CSMD1: variants seen among roughly 807,000 people sequenced by gnomAD.
CSMD1 encodes the protein CUB and Sushi multiple domains 1.
Under a neutral mutation model 417.5 loss-of-function variants are expected in CSMD1, and 213 were observed. That is an observed-to-expected ratio of 0.51 (90% CI 0.46 to 0.57). The LOEUF is 0.57. CSMD1 is among the 20% of genes least tolerant of loss of function. The probability of loss-of-function intolerance (pLI) is 0.00; values close to 1 mark genes in which losing one functional copy is unlikely to be tolerated. For missense variants in CSMD1, 6,923 were observed against 4,529.7 expected, an observed-to-expected ratio of 1.53 and a Z score of -15.17; for synonymous variants, 2,862 against 1,736.8, an observed-to-expected ratio of 1.65 and a Z score of -16.11.
At chr8:3,266,842 G>A (rs1249091028) in intron 26 of CSMD1, among the ~76,000 whole-genome samples, 2 of 150,874 alleles carry the variant, frequency 1.3e-5, no homozygotes, top group Admixed American at 6.6e-5. Context: ...TGGTATTTAT[G>A]ACAGTGACAA....
At chr8:3,549,921 T>C (rs767626572) in intron 10 of CSMD1, among the ~76,000 whole-genome samples, 8 of 152,232 alleles carry the variant, frequency 5.3e-5, no homozygotes, top group South Asian at 2.1e-4. Flanking sequence ...CAAGCAGATT[T>C]ATTGAAAGAA....
At chr8:4,962,068 TTTTC>T (rs1809527832) in intron 1 of CSMD1, among the ~76,000 whole-genome samples, 1 of 151,730 alleles carries the variant, frequency 6.6e-6, no homozygotes, top group Non-Finnish European at 1.5e-5. Context: ...ATTATATCTA[TTTTC>T]TTTAAGTTTT....
intron 3 of CSMD1, among the ~76,000 whole-genome samples, chr8:4,208,386 T>A (rs953369807): frequency 6.6e-6 from 1 of 152,204 alleles, no homozygotes; most frequent in African/African-American, 2.4e-5. Flanking sequence ...AGGAATTGAG[T>A]TACTGGCCTA....
chr8:4,629,772 A>C (rs933470231), intron 2 of CSMD1, among the ~76,000 whole-genome samples: 1 of 152,214 alleles, frequency 6.6e-6, no homozygotes, highest in South Asian at 2.1e-4. Context: ...AACAGTGTCA[A>C]CATTCAGATT....
chr8:3,649,998 G>A (rs1028062243), intron 7 of CSMD1, among the ~76,000 whole-genome samples: 1 of 152,100 alleles, frequency 6.6e-6, no homozygotes, highest in African/African-American at 2.4e-5. Context: ...GATAAATGAG[G>A]CTGGGCCTGG....
intron 12 of CSMD1, among the ~76,000 whole-genome samples, chr8:3,456,699 C>T (rs968876475): frequency 1.3e-5 from 2 of 152,128 alleles, no homozygotes; most frequent in African/African-American, 4.8e-5. Flanking sequence ...CAGGAATGAG[C>T]TTCCCATAAA....
At chr8:3,390,379 A>AAAG (rs398006945) in intron 17 of CSMD1, among the ~76,000 whole-genome samples, 1 of 140,164 alleles carries the variant, frequency 7.1e-6, no homozygotes, top group South Asian at 2.3e-4. Context: ...AAAAAAAAAA[A>AAAG]GGAATTTTGT....
At chr8:4,787,306 T>A in intron 1 of CSMD1, 1 of 702,878 alleles carries the variant, frequency 1.4e-6, no homozygotes, top group East Asian at 2.7e-5. Context: ...ACCGGCGCGG[T>A]CGCAGCCCTC....
At chr8:4,673,634 T>A (rs1448268973) in intron 1 of CSMD1, among the ~76,000 whole-genome samples, 1 of 152,134 alleles carries the variant, frequency 6.6e-6, no homozygotes, top group African/African-American at 2.4e-5. Context: ...GAATCATGCT[T>A]TGTGGTTCTA....
chr8:4,395,933 G>T (rs573366642), intron 3 of CSMD1, among the ~76,000 whole-genome samples: 1 of 152,110 alleles, frequency 6.6e-6, no homozygotes. Flanking sequence ...TTTTGTAACC[G>T]TTGAAATATT....
intron 9 of CSMD1, among the ~76,000 whole-genome samples, chr8:3,582,617 G>A (rs539124041): frequency 3.8e-4 from 58 of 152,288 alleles, no homozygotes; most frequent in South Asian, 2.5e-3. Flanking sequence ...TGGCTACTGA[G>A]CACCTGAAAT....
At chr8:3,684,273 TTA>T (rs946500010) in intron 7 of CSMD1, among the ~76,000 whole-genome samples, 5 of 144,290 alleles carry the variant, frequency 3.5e-5, no homozygotes, top group Admixed American at 2.2e-4. Flanking sequence ...TAGCTATATG[TTA>T]TATATTATAT....
chr8:3,426,331 G>A lies in CSMD1; in HGVS notation c.1562-16726C>T, dbSNP rs549348887. ...TACCAGAGGTTATTTTGTTCCGTAG[G>A]TTACGTATCAGACAGTGATCATGAG... On this transcript the variant is annotated intron_variant, in intron 12 of 69. Coordinates refer to ENST00000635120, the MANE Select transcript of CSMD1 (RefSeq NM_033225.6). Among the ~76,000 whole-genome samples, 78 of 152,236 alleles carry A rather than the reference G, an allele frequency of 5.1e-4. 1 individual carries two copies. The South Asian group carries it at 0.015, about 29-fold the overall frequency.
intron 10 of CSMD1, among the ~76,000 whole-genome samples, chr8:3,524,928 T>C (rs953840614): frequency 8.6e-5 from 13 of 151,844 alleles, no homozygotes; most frequent in African/African-American, 3.1e-4. Context: ...TATCATGAAA[T>C]GTAAAAAAAA....
chr8:3,073,747 G>C (rs542752536), intron 49 of CSMD1, among the ~76,000 whole-genome samples: 1 of 148,612 alleles, frequency 6.7e-6, no homozygotes, highest in East Asian at 2.0e-4. Flanking sequence ...AGAAAAATGA[G>C]AACATGAACT....
At chr8:4,787,957 T>A in intron 1 of CSMD1, 12 of 1,595,614 alleles carry the variant, frequency 7.5e-6, no homozygotes, top group South Asian at 6.7e-5. Context: ...TCCTGGAGAC[T>A]CTGGCCATCA....
At chr8:3,573,251 C>G (rs1345941330) in intron 10 of CSMD1, among the ~76,000 whole-genome samples, 2 of 152,112 alleles carry the variant, frequency 1.3e-5, no homozygotes, top group African/African-American at 4.8e-5. Flanking sequence ...TCTCTTTGCC[C>G]AAATTCATGC....
chr8:3,064,274 C>T (rs549170064), intron 49 of CSMD1, among the ~76,000 whole-genome samples: 82 of 152,270 alleles, frequency 5.4e-4, no homozygotes, highest in Non-Finnish European at 9.4e-4. Flanking sequence ...TTGGCGGGGC[C>T]TGGTGGGAGG....
intron 2 of CSMD1, among the ~76,000 whole-genome samples, chr8:4,634,343 G>C (rs987928042): frequency 1.1e-4 from 16 of 152,050 alleles, no homozygotes; most frequent in African/African-American, 3.4e-4. Flanking sequence ...ATTCTGTTTT[G>C]TCAGCTGGGG....
Sources: gnomAD v4.1 joint callset for allele counts (sites outside exome capture counted in the v4.1 genomes callset) on GRCh38, gnomAD v4.1.1 for gene constraint, MANE v1.5 for transcripts, NCBI Gene and HGNC (gene_info 2026-07-23, HGNC 2026-07-21) for gene names.